UGT8: variants seen among roughly 807,000 people sequenced by gnomAD.
The protein encoded by UGT8 is 2-hydroxyacylsphingosine 1-beta-galactosyltransferase.
A neutral mutation model predicts 40.5 loss-of-function variants in UGT8; 12 were observed. The ratio of observed to expected loss-of-function variants is 0.30; its 90% CI spans 0.19 to 0.48. UGT8 has a LOEUF of 0.48. Ranked by LOEUF, UGT8 falls within the 20% of genes least tolerant of loss-of-function variation. The pLI, the probability that UGT8 is intolerant of heterozygous loss-of-function variation, is 0.99. For synonymous variants in UGT8, 224 were observed against 240.4 expected, an observed-to-expected ratio of 0.93 and a Z score of 0.63; for missense variants, 513 against 648.7, an observed-to-expected ratio of 0.79 and a Z score of 2.27.
At chr4:114,644,883 A>T (rs1348774908) in intron 2 of UGT8, among the ~76,000 whole-genome samples, 1 of 152,164 alleles carries the variant, frequency 6.6e-6, no homozygotes, top group Non-Finnish European at 1.5e-5. Context: ...ATTCTTAGGC[A>T]CTACTTTCAC....
chr4:114,605,961 C>T (rs1206119269), intron 1 of UGT8, among the ~76,000 whole-genome samples: 2 of 152,046 alleles, frequency 1.3e-5, no homozygotes, highest in Non-Finnish European at 2.9e-5. Context: ...TAAATATACT[C>T]AGGGACTTTG....
At chr4:114,625,635 A>G (rs1732165873) in intron 2 of UGT8, among the ~76,000 whole-genome samples, 1 of 151,978 alleles carries the variant, frequency 6.6e-6, no homozygotes, top group Non-Finnish European at 1.5e-5. Context: ...GTGTAGGAAA[A>G]TATTTTATGT....
chr4:114,647,529 A>G (rs897807616), intron 2 of UGT8, among the ~76,000 whole-genome samples: 1 of 151,822 alleles, frequency 6.6e-6, no homozygotes, highest in Non-Finnish European at 1.5e-5. Context: ...ATGCCCAGCT[A>G]ATTTTTTTGT....
In UGT8 at chr4:114,676,181, T is replaced by C. The variant is rs141178340; in HGVS notation, c.1519T>C (p.Trp507Arg). The change falls in exon 6 of 6, where the codon TGG (tryptophan) becomes CGG (arginine). Residue 507 changes from tryptophan to arginine, a missense_variant. Physicochemically the swap from Trp to Arg is moderately radical, Grantham distance 101. This residue lies in a region of UGT8 where 175 missense variants were observed against 186.7 expected (regional missense o/e 0.94). Coordinates refer to ENST00000310836, the MANE Select transcript of UGT8 (RefSeq NM_001128174.3). ...KFIYRKIKSL[W>R]SRNKHSTVNG... The stretch of plus-strand genomic sequence containing the variant: ...TATCTACAGAAAAATCAAAAGTCTG[T>C]GGTCTAGAAATAAGCATAGCACAGT... 36 of 1,614,014 alleles carry C rather than the reference T, an allele frequency of 2.2e-5. No homozygotes were observed. The highest frequency in any genetic ancestry group is 3.0e-5 in the Non-Finnish European group (35 of 1,180,022).
rs1227629593 is a variant in UGT8, at chr4:114,676,836, C to T, written c.*548C>T. On this transcript the variant is annotated 3_prime_UTR_variant, in exon 6 of 6. Coordinates refer to ENST00000310836, the MANE Select transcript of UGT8 (RefSeq NM_001128174.3). Reference sequence around the variant, plus strand: ...AGAACACTACCATGAAAGAACACTTCCCCCCAAAACTGGATGCAGAGGAAG... The same window carrying T: ...AGAACACTACCATGAAAGAACACTTTCCCCCAAAACTGGATGCAGAGGAAG... The T allele has an allele frequency of 1.3e-5, 2 of 150,178 alleles. No individual in the cohort carries two copies. The highest frequency in any genetic ancestry group is 3.0e-5 in the Non-Finnish European group (2 of 67,694). 9.3% of individuals were successfully genotyped at this position (150,178 alleles called of 1,614,324 possible). A position where few individuals can be genotyped will look rare whatever the true frequency, so the allele number is the denominator to read the frequency against.
At chr4:114,606,945 G>A (rs991994095) in intron 1 of UGT8, among the ~76,000 whole-genome samples, 12 of 152,154 alleles carry the variant, frequency 7.9e-5, no homozygotes, top group South Asian at 4.1e-4. Context: ...AATAGGGAGC[G>A]TCTTGCCAGG....
chr4:114,655,326 A>G (rs183634553), intron 2 of UGT8, among the ~76,000 whole-genome samples: 2 of 152,132 alleles, frequency 1.3e-5, no homozygotes, highest in Non-Finnish European at 2.9e-5. Context: ...CCATGGATGC[A>G]TCTGTGAGGG....
chr4:114,671,381 C>CA (rs1418849982), intron 5 of UGT8, among the ~76,000 whole-genome samples: 3 of 151,888 alleles, frequency 2.0e-5, no homozygotes, highest in Non-Finnish European at 2.9e-5. Flanking sequence ...CAACCAAAAA[C>CA]AAAAAAACAA....
chr4:114,646,929 A>G (rs1394188737), intron 2 of UGT8, among the ~76,000 whole-genome samples: 3 of 152,220 alleles, frequency 2.0e-5, no homozygotes, highest in Admixed American at 6.5e-5. Context: ...AGACAGAGCT[A>G]AATCTTTTGG....
intron 1 of UGT8, among the ~76,000 whole-genome samples, chr4:114,602,450 T>C (rs1246872780): frequency 6.6e-6 from 1 of 152,230 alleles, no homozygotes; most frequent in Non-Finnish European, 1.5e-5. Flanking sequence ...ATCAAATACA[T>C]ATGATTAAAA....
rs13132105 is a variant in UGT8, at chr4:114,635,988, G to A, written c.822+12286G>A. Among the ~76,000 whole-genome samples, 4 of 151,998 alleles carry A rather than the reference G, an allele frequency of 2.6e-5. No individual in the cohort carries two copies. In the South Asian group the frequency reaches 8.3e-4, roughly 32 times the overall value. ...AAAAGCTCATTTTTCAGAACATATG[G>A]GATTCTGATAATGTTTTGATATGGA... On this transcript the variant is annotated intron_variant, in intron 2 of 5. Coordinates refer to ENST00000310836, the MANE Select transcript of UGT8 (RefSeq NM_001128174.3).
intron 2 of UGT8, among the ~76,000 whole-genome samples, chr4:114,653,745 A>G (rs529091514): frequency 1.3e-5 from 2 of 152,128 alleles, no homozygotes; most frequent in Non-Finnish European, 2.9e-5. Context: ...CATTTTTGGA[A>G]AATTTATTAT....
intron 2 of UGT8, among the ~76,000 whole-genome samples, chr4:114,655,613 A>T (rs1195427259): frequency 4.6e-5 from 7 of 151,800 alleles, no homozygotes; most frequent in Non-Finnish European, 7.4e-5. Flanking sequence ...GTTCAAAGTT[A>T]TTTTTTTTAC....
Position 114,634,979 on chromosome 4 carries a change from G to A in UGT8, c.822+11277G>A, listed in dbSNP as rs572027193. 5.3e-5 allele frequency among the ~76,000 whole-genome samples: 8 copies of A among 151,560 alleles called. No individual in the cohort carries two copies. The South Asian group carries it at 1.5e-3, about 28-fold the overall frequency. On this transcript the variant is annotated intron_variant, in intron 2 of 5. Transcript: ENST00000310836. The stretch of plus-strand genomic sequence containing the variant: ...CTGGAGTCTTGCAGAGGATGGACAA[G>A]TGAGAGGCATAGAAAAGGATCAGTT...
At chr4:114,627,550 G>A (rs566409860) in intron 2 of UGT8, among the ~76,000 whole-genome samples, 91 of 152,156 alleles carry the variant, frequency 6.0e-4, no homozygotes, top group Admixed American at 1.6e-3. Flanking sequence ...GAGCCACCGC[G>A]CCTGGCCAAA....
chr4:114,608,483 T>C (rs1052366196), intron 1 of UGT8, among the ~76,000 whole-genome samples: 1 of 152,144 alleles, frequency 6.6e-6, no homozygotes, highest in Non-Finnish European at 1.5e-5. Flanking sequence ...TTTCCTGTTG[T>C]TTTTTCCAGA....
At chr4:114,655,715 C>T (rs766722196) in intron 2 of UGT8, among the ~76,000 whole-genome samples, 1 of 151,892 alleles carries the variant, frequency 6.6e-6, no homozygotes, top group African/African-American at 2.4e-5. Flanking sequence ...CATTTTTCTG[C>T]ATAATCACAA....
At chr4:114,665,408 C>A in intron 3 of UGT8, 1 of 985,202 alleles carries the variant, frequency 1.0e-6, no homozygotes, top group Middle Eastern at 5.2e-4. Flanking sequence ...GTTTGTTTTT[C>A]CCATCTCTGT....
chr4:114,636,848 C>T (rs1457459636), intron 2 of UGT8, among the ~76,000 whole-genome samples: 1 of 152,156 alleles, frequency 6.6e-6, no homozygotes, highest in African/African-American at 2.4e-5. Flanking sequence ...CTATTCCCTT[C>T]TCTCTCTCTG....
Sources: gnomAD v4.1 joint callset for allele counts (sites outside exome capture counted in the v4.1 genomes callset) on GRCh38, gnomAD v4.1.1 for gene constraint, gnomAD v4.1.1 regional missense constraint, MANE v1.5 for transcripts, NCBI Gene and HGNC (gene_info 2026-07-23, HGNC 2026-07-21) for gene names.